Variants in LRRC72 observed in about 807,000 individuals in gnomAD.
The protein encoded by LRRC72 is leucine rich repeat containing 72, also known as leucine-rich repeat-containing protein 72.
A neutral mutation model predicts 35.8 loss-of-function variants in LRRC72; 41 were observed. The observed-to-expected ratio is 1.15, with a 90% confidence interval of 0.89 to 1.49. LRRC72 has a LOEUF of 1.49. Ranked by LOEUF, LRRC72 falls within the 40% of genes most tolerant of loss-of-function variation. The pLI, the probability that LRRC72 is intolerant of heterozygous loss-of-function variation, is 0.00. For synonymous variants in LRRC72, 118 were observed against 119.2 expected (o/e 0.99, Z 0.07); for missense variants, 389 against 330.7 (o/e 1.18, Z -1.37).
At chr7:16,527,233 G>T (rs1782085358) in intron 1 of LRRC72, among the ~76,000 whole-genome samples, 191 bp downstream of exon 1, 1 of 152,170 alleles carries the variant, frequency 6.6e-6, no homozygotes, top group African/African-American at 2.4e-5. Context: ...GCACAAAATT[G>T]GGATGTGAAC....
At chr7:16,576,269 A>G (rs1783038693) in intron 7 of LRRC72, among the ~76,000 whole-genome samples, 1 of 152,196 alleles carries the variant, frequency 6.6e-6, no homozygotes, top group South Asian at 2.1e-4. Context: ...AAATTTATCC[A>G]TATAGTTTTG....
At chr7:16,568,323 T>C in intron 7 of LRRC72, among the ~76,000 whole-genome samples, 1 of 152,222 alleles carries the variant, frequency 6.6e-6, no homozygotes, top group East Asian at 1.9e-4. Context: ...AAAATCCTTT[T>C]CTTTATGACA....
At chr7:16,576,241 G>A (rs494136) in intron 7 of LRRC72, among the ~76,000 whole-genome samples, 60,835 of 151,890 alleles carry the variant, frequency 0.4, 13,219 homozygotes, top group African/African-American at 0.57. Flanking sequence ...CTAATAAAAC[G>A]CGCTATGTAA....
chr7:16,536,221 T>C (rs1309367087), intron 2 of LRRC72, among the ~76,000 whole-genome samples: 1 of 152,062 alleles, frequency 6.6e-6, no homozygotes, highest in Admixed American at 6.6e-5. Context: ...TGATTACCTT[T>C]AAAAAGACTC....
chr7:16,560,484 TC>T (rs1242575260), intron 5 of LRRC72, among the ~76,000 whole-genome samples: 1 of 152,190 alleles, frequency 6.6e-6, no homozygotes, highest in Admixed American at 6.5e-5. Context: ...CTGCCTGCTG[TC>T]AGGAGTTTTT....
intron 3 of LRRC72, among the ~76,000 whole-genome samples, chr7:16,547,954 T>G (rs1406917032): frequency 6.6e-6 from 1 of 152,234 alleles, no homozygotes; most frequent in African/African-American, 2.4e-5. Flanking sequence ...GCCAGTCCCA[T>G]GGACCAGAGT....
rs373815251 is a variant in LRRC72 at position 16,530,291 on chromosome 7, G to A, written c.91-2204G>A. On this transcript the variant is annotated intron_variant, in intron 1 of 8. Transcript: ENST00000401542. ...TCCAAGCCCAGAGACCTGAGAACTAGGAATGCTGATGTCTGAAGGCAGAAG... is the reference window on the plus strand; with the variant it reads ...TCCAAGCCCAGAGACCTGAGAACTAAGAATGCTGATGTCTGAAGGCAGAAG... The A allele has an allele frequency of 8.5e-5, 13 of 152,262 alleles. No individual in the cohort carries two copies. The East Asian group carries it at 2.1e-3, about 25-fold the overall frequency. 9.4% of individuals were successfully genotyped at this position (152,262 alleles called of 1,614,324 possible).
Position 16,581,315 on chromosome 7 carries a change from T to C in LRRC72, c.699-9T>C. 1 of 1,429,216 alleles carries C rather than the reference T, an allele frequency of 7.0e-7. No individual in the cohort carries two copies. The highest frequency in any genetic ancestry group is 9.2e-7 in the Non-Finnish European group (1 of 1,084,604). The allele number at this position is 1,429,216 out of a possible 1,614,324, so 88.5% of individuals were successfully genotyped here. A position where few individuals can be genotyped will look rare whatever the true frequency, so the allele number is the denominator to read the frequency against. On this transcript the variant is annotated splice_polypyrimidine_tract_variant and intron_variant, in intron 8 of 8. Coordinates refer to ENST00000401542, the MANE Select transcript of LRRC72 (RefSeq NM_001195280.2). ...CTTTTTTTCTGACATAATTGCTTTT[T>C]TTTTGCAGAACTGTGCTTGATGACC...
At chr7:16,530,074 A>G (rs1782135340) in intron 1 of LRRC72, 2 of 152,208 alleles carry the variant, frequency 1.3e-5, no homozygotes, top group Admixed American at 1.3e-4. Context: ...TGTTTTCGAT[A>G]TCTTTAGATG....
chr7:16,549,782 G>T (rs1226782501), intron 3 of LRRC72, among the ~76,000 whole-genome samples: 1 of 152,122 alleles, frequency 6.6e-6, no homozygotes. Flanking sequence ...TCCTTGAATT[G>T]TGGGGAGGAG....
At chr7:16,557,758 A>T (rs967502820) in intron 4 of LRRC72, among the ~76,000 whole-genome samples, 1 of 152,192 alleles carries the variant, frequency 6.6e-6, no homozygotes, top group African/African-American at 2.4e-5. Flanking sequence ...AAACTTTATA[A>T]ATAGTCTTAA....
At chr7:16,579,590 G>C (rs926928636) in intron 7 of LRRC72, among the ~76,000 whole-genome samples, 3 of 152,096 alleles carry the variant, frequency 2.0e-5, no homozygotes, top group Non-Finnish European at 4.4e-5. Flanking sequence ...CTAGATTCTT[G>C]TGATCTAGTA....
At chr7:16,567,794 T>C (rs1782875918) in intron 7 of LRRC72, among the ~76,000 whole-genome samples, 1 of 152,106 alleles carries the variant, frequency 6.6e-6, no homozygotes, top group East Asian at 1.9e-4. Flanking sequence ...GATAATACAT[T>C]GAAGCCTCTA....
intron 7 of LRRC72, among the ~76,000 whole-genome samples, chr7:16,576,340 A>G (rs1031897112): frequency 2.6e-5 from 4 of 152,196 alleles, no homozygotes; most frequent in Admixed American, 1.3e-4. Flanking sequence ...AAAAATTATA[A>G]GAGTAATTCT....
intron 1 of LRRC72, among the ~76,000 whole-genome samples, chr7:16,527,704 G>A (rs1782095559): frequency 6.6e-6 from 1 of 152,112 alleles, no homozygotes; most frequent in African/African-American, 2.4e-5. Flanking sequence ...AAGATGGGGG[G>A]CTGCTGTGAT....
chr7:16,573,084 A>C (rs1216430324), intron 7 of LRRC72, among the ~76,000 whole-genome samples: 1 of 152,146 alleles, frequency 6.6e-6, no homozygotes, highest in Non-Finnish European at 1.5e-5. Context: ...ACCTAGGAAT[A>C]CAAATTATAA....
chr7:16,550,612 A>G (rs1782532968), intron 3 of LRRC72, among the ~76,000 whole-genome samples: 1 of 152,222 alleles, frequency 6.6e-6, no homozygotes, highest in Admixed American at 6.5e-5. Flanking sequence ...ACAACTTTCA[A>G]TTCTTTTAAG....
intron 1 of LRRC72, among the ~76,000 whole-genome samples, chr7:16,528,894 C>A (rs1782117639): frequency 6.6e-6 from 1 of 152,124 alleles, no homozygotes; most frequent in Non-Finnish European, 1.5e-5. Flanking sequence ...GTTTCTGAAA[C>A]AATTTGATAT....
intron 5 of LRRC72, among the ~76,000 whole-genome samples, chr7:16,560,971 C>A (rs1352389882): frequency 6.6e-6 from 1 of 152,072 alleles, no homozygotes; most frequent in African/African-American, 2.4e-5. Context: ...TAGAATTACT[C>A]CCTTTAATCA....
Sources: gnomAD v4.1 joint callset for allele counts (sites outside exome capture counted in the v4.1 genomes callset) on GRCh38, gnomAD v4.1.1 for gene constraint, MANE v1.5 for transcripts, NCBI Gene and HGNC (gene_info 2026-07-23, HGNC 2026-07-21) for gene names.